FAM171B: variants seen among roughly 807,000 people sequenced by gnomAD.
The protein encoded by FAM171B is protein FAM171B.
In FAM171B, 19 loss-of-function variants were observed where a neutral mutation model predicts 75.6. The observed-to-expected ratio is 0.25, with a 90% CI of 0.18 to 0.37. The LOEUF (loss-of-function observed/expected upper bound fraction) is 0.37. Ranked by LOEUF, FAM171B falls within the 10% of genes least tolerant of loss-of-function variation. The pLI is 1.00. For synonymous variants in FAM171B, 367 were observed against 361.7 expected (o/e 1.01, Z -0.17); for missense variants, 848 against 982.4 (o/e 0.86, Z 1.83).
At chr2:186,735,091 CG>C (rs1690179646) in intron 1 of FAM171B, among the ~76,000 whole-genome samples, 1 of 152,164 alleles carries the variant, frequency 6.6e-6, no homozygotes, top group Non-Finnish European at 1.5e-5. Context: ...CCCACCAACT[CG>C]GTAGGGGCAG....
intron 1 of FAM171B, among the ~76,000 whole-genome samples, chr2:186,717,711 G>T (rs1490612748): frequency 2.0e-5 from 3 of 152,032 alleles, no homozygotes; most frequent in Non-Finnish European, 4.4e-5. Flanking sequence ...GCTTGCTAAG[G>T]TGAAGAGAGA....
intron 1 of FAM171B, among the ~76,000 whole-genome samples, chr2:186,732,733 G>A (rs1452482673): frequency 1.3e-5 from 2 of 152,310 alleles, no homozygotes; most frequent in African/African-American, 4.8e-5. Flanking sequence ...GCACTTGGGA[G>A]CGGCTGCATG....
chr2:186,739,135 GA>G (rs1214075286), intron 1 of FAM171B, among the ~76,000 whole-genome samples: 1 of 152,002 alleles, frequency 6.6e-6, no homozygotes, highest in Non-Finnish European at 1.5e-5. Flanking sequence ...CCATACAAAA[GA>G]TTTTTTTTTA....
At chr2:186,759,773 T>G (rs537289096) in intron 6 of FAM171B, among the ~76,000 whole-genome samples, 2 of 152,200 alleles carry the variant, frequency 1.3e-5, no homozygotes, top group South Asian at 4.1e-4. Context: ...CTTTGTTGAT[T>G]GTTTGCTTTG....
intron 1 of FAM171B, among the ~76,000 whole-genome samples, chr2:186,720,713 A>AAG (rs1689940996): frequency 3.7e-5 from 5 of 134,356 alleles, no homozygotes; most frequent in South Asian, 2.3e-4. Context: ...AAAAAAAAAA[A>AAG]AAAGAAAAGA....
At chr2:186,704,803 G>A (rs1689711791) in intron 1 of FAM171B, among the ~76,000 whole-genome samples, 1 of 152,192 alleles carries the variant, frequency 6.6e-6, no homozygotes, top group Non-Finnish European at 1.5e-5. Flanking sequence ...ATAAAGCTTG[G>A]CAAATGTAGG....
chr2:186,728,034 A>G (rs939596815), intron 1 of FAM171B, among the ~76,000 whole-genome samples: 45 of 152,154 alleles, frequency 3.0e-4, no homozygotes, highest in African/African-American at 1.1e-3. Flanking sequence ...GAAGCCTGGT[A>G]TCTTTTGGGT....
chr2:186,705,210 T>G (rs970714147), intron 1 of FAM171B, among the ~76,000 whole-genome samples: 3 of 152,222 alleles, frequency 2.0e-5, no homozygotes, highest in Non-Finnish European at 2.9e-5. Flanking sequence ...TACTTTTAAC[T>G]ACATATACAT....
chr2:186,744,968 C>T (rs1276099966), intron 3 of FAM171B, among the ~76,000 whole-genome samples: 1 of 151,680 alleles, frequency 6.6e-6, no homozygotes, highest in Admixed American at 6.6e-5. Flanking sequence ...GTAGCTGAGA[C>T]CACAGGCGTG....
At chr2:186,711,656 T>G (rs1204959180) in intron 1 of FAM171B, among the ~76,000 whole-genome samples, 1 of 152,194 alleles carries the variant, frequency 6.6e-6, no homozygotes, top group Non-Finnish European at 1.5e-5. Flanking sequence ...TTATTATTTT[T>G]TTTTGCCTCA....
At chr2:186,699,219 G>A (rs1312442916) in intron 1 of FAM171B, among the ~76,000 whole-genome samples, 1 of 152,126 alleles carries the variant, frequency 6.6e-6, no homozygotes, top group African/African-American at 2.4e-5. Flanking sequence ...CTCCATAGTG[G>A]TTGTACTAAT....
In FAM171B at chr2:186,762,138, A is replaced by T. The variant is rs1690627604; in HGVS notation, c.1796A>T (p.Asp599Val). 6.2e-7 allele frequency: 1 copy of T among 1,613,592 alleles called. No homozygotes were observed. Among genetic ancestry groups the T allele is most frequent in the African/African-American group, 1.3e-5 (1 of 74,864 alleles). ...ATTCATTCTCATGCACAGCCCCCAG[A>T]TGCCAGGGAAGAGGATATCATACTT... is the stretch of plus-strand genomic sequence containing the variant. ...MPIHSHAQPP[D>V]AREEDIILEG... Residue 599 changes from aspartate to valine, a missense_variant, in exon 8 of 8, where the codon GAT becomes GTT. Asp to Val is a radical substitution (Grantham distance 152). Around this residue, in one of 3 missense-constraint regions of FAM171B, gnomAD observed 665 missense variants for 729.0 expected, o/e 0.91. Transcript: ENST00000304698. The surrounding 1 kb of genome is among the most constrained non-coding windows in gnomAD (Gnocchi z 4.0).
At chr2:186,727,338 AT>A (rs1690049730) in intron 1 of FAM171B, among the ~76,000 whole-genome samples, 1 of 152,320 alleles carries the variant, frequency 6.6e-6, no homozygotes, top group East Asian at 1.9e-4. Context: ...ATAGGTTAGG[AT>A]TTTGACAGGT....
intron 1 of FAM171B, among the ~76,000 whole-genome samples, chr2:186,735,553 A>G (rs530524573): frequency 3.3e-5 from 5 of 152,304 alleles, no homozygotes; most frequent in African/African-American, 1.2e-4. Context: ...TTATAAAGGC[A>G]GTTACATTTT....
chr2:186,694,748 A>AACACACACACACAC (rs57171143), intron 1 of FAM171B, among the ~76,000 whole-genome samples: 83 of 133,386 alleles, frequency 6.2e-4, no homozygotes, highest in East Asian at 2.8e-3. Flanking sequence ...GAATGACTGT[A>AACACACACACACAC]ACACACACAC....
intron 1 of FAM171B, among the ~76,000 whole-genome samples, chr2:186,721,347 A>G (rs1689949648): frequency 2.0e-5 from 3 of 152,224 alleles, no homozygotes; most frequent in African/African-American, 4.8e-5. Flanking sequence ...TAAGCATTCT[A>G]GAGAAGGTTA....
At position 186,694,532 on chromosome 2, in the gene FAM171B, C is replaced by A. The variant is rs1689551253; in HGVS notation, c.238+121C>A. The A allele has an allele frequency of 3.0e-6, 4 of 1,326,794 alleles. No individual in the cohort carries two copies. In the Admixed American group the frequency reaches 8.1e-5, roughly 27 times the overall value. The allele number at this position is 1,326,794 out of a possible 1,614,324, so 82.2% of individuals were successfully genotyped here. On this transcript the variant is annotated intron_variant, in intron 1 of 7. Coordinates refer to ENST00000304698, the MANE Select transcript of FAM171B (RefSeq NM_177454.4). ...CTCGTTCGTTCCTGTCACCATCCCT[C>A]CCGATCTCTCTCCCCAGACTGGCTG...
intron 2 of FAM171B, among the ~76,000 whole-genome samples, chr2:186,742,616 G>C (rs1361281035): frequency 2.6e-5 from 4 of 152,044 alleles, no homozygotes; most frequent in Admixed American, 6.6e-5. Context: ...TTTCTCTTAA[G>C]AGATTTGAGG....
intron 1 of FAM171B, among the ~76,000 whole-genome samples, chr2:186,727,925 G>A (rs1438307157): frequency 1.3e-5 from 2 of 152,040 alleles, no homozygotes; most frequent in Non-Finnish European, 2.9e-5. Context: ...TCTAAACTAA[G>A]ATTTCTTGGT....
Sources: allele counts gnomAD v4.1 joint callset (sites outside exome capture counted in the v4.1 genomes callset), GRCh38; gene constraint gnomAD v4.1.1; regional missense constraint gnomAD v4.1.1; non-coding constraint Gnocchi (gnomAD v3.1); transcripts MANE v1.5; gene names NCBI Gene and HGNC (gene_info 2026-07-23, HGNC 2026-07-21).